The following INPP5D variants were observed in gnomAD, a reference collection of about 807,000 sequenced individuals.
INPP5D encodes phosphatidylinositol 3,4,5-trisphosphate 5-phosphatase 1.
In INPP5D, 33 loss-of-function variants were observed where a neutral mutation model predicts 122.9. That is an observed-to-expected ratio of 0.27 (90% confidence interval 0.20 to 0.36). The LOEUF (loss-of-function observed/expected upper bound fraction) is 0.36. Ranked by LOEUF, INPP5D falls within the 10% of genes least tolerant of loss-of-function variation. The pLI is 1.00. For missense variants in INPP5D, 1,053 were observed against 1,412.7 expected (o/e 0.75, Z 4.08); for synonymous variants, 584 against 576.2 (o/e 1.01, Z -0.19).
intron 2 of INPP5D, among the ~76,000 whole-genome samples, chr2:233,090,091 C>T: frequency 6.6e-6 from 1 of 152,232 alleles, no homozygotes; most frequent in East Asian, 1.9e-4. Context: ...GTCTCAGTCG[C>T]CCGAGTGTCT....
chr2:233,133,924 C>T (rs1693398586), intron 5 of INPP5D: 1 of 455,476 alleles, frequency 2.2e-6, no homozygotes, highest in Non-Finnish European at 4.4e-6. Flanking sequence ...TATACACAGG[C>T]TCTGGCACAT....
chr2:233,097,599 A>G (rs1692181438), intron 2 of INPP5D, among the ~76,000 whole-genome samples: 1 of 152,144 alleles, frequency 6.6e-6, no homozygotes, highest in Middle Eastern at 3.2e-3. Context: ...TTCCTTTTCC[A>G]TCATGACATT....
In INPP5D at chr2:233,164,785, G is replaced by A. The variant is rs904720568; in HGVS notation, c.1555+361G>A. Among the ~76,000 whole-genome samples, 1 of 152,202 alleles carries A rather than the reference G, an allele frequency of 6.6e-6. No individual in the cohort carries two copies. The highest frequency in any genetic ancestry group is 2.4e-5 in the African/African-American group (1 of 41,448). ...GAAGAGGCATTGGCCAACTTTTGCA[G>A]GAAAGGGAAGGGCCTGACAGTAAAT... On this transcript the variant is annotated intron_variant, in intron 13 of 26. Transcript: ENST00000445964. This position sits in a 1 kb window ranked among gnomAD's most constrained non-coding sequence, Gnocchi z 4.3.
At chr2:233,147,894 A>C (rs574254252) in intron 9 of INPP5D, among the ~76,000 whole-genome samples, 26 of 152,220 alleles carry the variant, frequency 1.7e-4, no homozygotes, top group Non-Finnish European at 3.4e-4. Flanking sequence ...TCTGGAACCA[A>C]ACTGCCTAAA....
intron 3 of INPP5D, among the ~76,000 whole-genome samples, chr2:233,124,572 C>T (rs1453211806): frequency 6.6e-6 from 1 of 152,190 alleles, no homozygotes; most frequent in East Asian, 1.9e-4. Context: ...CCATTGTGAG[C>T]CCAAGGTCAC....
intron 2 of INPP5D, among the ~76,000 whole-genome samples, chr2:233,112,150 C>T (rs891333363): frequency 6.6e-6 from 1 of 151,752 alleles, no homozygotes; most frequent in African/African-American, 2.4e-5. Context: ...CGATTCTTGC[C>T]TGAATCAGTC....
chr2:233,138,298 T>C (rs58069668), intron 5 of INPP5D, among the ~76,000 whole-genome samples: 125,792 of 139,402 alleles, frequency 0.9, 57,136 homozygotes, highest in Non-Finnish European at 0.96. Flanking sequence ...CAGAGTAAGA[T>C]TGTCTAAAAA....
intron 5 of INPP5D, among the ~76,000 whole-genome samples, chr2:233,137,569 C>T (rs1288438458): frequency 6.6e-6 from 1 of 150,632 alleles, no homozygotes; most frequent in African/African-American, 2.4e-5. Context: ...TATTCTCCTG[C>T]CTCAGCCTCC....
In INPP5D at chr2:233,088,296, C is replaced by T. The variant is rs1488076371; in HGVS notation, c.198+8898C>T. ...GCCAAGGTTCTCATTTTGTTGCAAG[C>T]CTGCCTTGCCTGGCTGATCTTCATG... is the stretch of plus-strand genomic sequence containing the variant. On this transcript the variant is annotated intron_variant, in intron 2 of 26. Coordinates refer to ENST00000445964, the MANE Select transcript of INPP5D (RefSeq NM_001017915.3). Among the ~76,000 whole-genome samples the T allele has an allele frequency of 5.4e-4, 82 of 152,142 alleles. 2 individuals are homozygous for T. The highest frequency in any genetic ancestry group is 5.4e-3 in the Admixed American group (82 of 15,280).
At chr2:233,066,203 C>T (rs55749303) in intron 1 of INPP5D, among the ~76,000 whole-genome samples, 18,850 of 151,986 alleles carry the variant, frequency 0.12, 1,498 homozygotes, top group African/African-American at 0.21. Flanking sequence ...GTTCTCCCAC[C>T]TTGGCCTCCC....
Position 233,140,127 on chromosome 2 carries a change from A to G in INPP5D, c.753+198A>G, listed in dbSNP as rs1428134922. On this transcript the variant is annotated intron_variant, in intron 6 of 26. Transcript: ENST00000445964. The stretch of plus-strand genomic sequence containing the variant: ...CCAGGAAGCCATCTCCCACTGCCAG[A>G]TTTTGATTTGAGGAATAAAGATTTC... The G allele has an allele frequency of 4.0e-5, 15 of 374,106 alleles. No homozygotes were observed. In the East Asian group the frequency reaches 5.0e-4, roughly 12 times the overall value. The allele number at this position is 374,106 out of a possible 1,614,324, so 23.2% of individuals were successfully genotyped here.
intron 2 of INPP5D, among the ~76,000 whole-genome samples, chr2:233,110,933 A>G (rs1692607629): frequency 8.2e-6 from 1 of 122,020 alleles, no homozygotes; most frequent in Non-Finnish European, 1.6e-5. Context: ...TCTTAAAAAA[A>G]AAACAACAAA....
chr2:233,104,559 G>T (rs1692412854), intron 2 of INPP5D, among the ~76,000 whole-genome samples: 1 of 152,122 alleles, frequency 6.6e-6, no homozygotes, highest in South Asian at 2.1e-4. Flanking sequence ...AGCCATGGGG[G>T]GTAGGCTCAG....
chr2:233,078,783 A>C lies in INPP5D; in HGVS notation c.135-552A>C. Among the ~76,000 whole-genome samples, 1 of 152,098 alleles carries C rather than the reference A, an allele frequency of 6.6e-6. No individual in the cohort carries two copies. Among genetic ancestry groups the C allele is most frequent in the East Asian group, 1.9e-4 (1 of 5,182 alleles). On this transcript the variant is annotated intron_variant, in intron 1 of 26. Transcript: ENST00000445964. This position sits in a 1 kb window ranked among gnomAD's most constrained non-coding sequence, Gnocchi z 4.6. ...CTGCAACCTCCGCCTCCTGGGTTCA[A>C]GTGATTCTTTTGCCTCAGCCTCCCA...
chr2:233,081,385 T>C (rs1383637532), intron 2 of INPP5D, among the ~76,000 whole-genome samples: 1 of 152,232 alleles, frequency 6.6e-6, no homozygotes, highest in East Asian at 1.9e-4. Context: ...TAAAAGTTGG[T>C]CGATGCTTTT....
intron 25 of INPP5D, among the ~76,000 whole-genome samples, chr2:233,201,892 C>G (rs1214592739): frequency 6.6e-6 from 1 of 152,166 alleles, no homozygotes; most frequent in Non-Finnish European, 1.5e-5. Context: ...TATTCAACAA[C>G]TGTGGCCTGC....
intron 17 of INPP5D, among the ~76,000 whole-genome samples, chr2:233,171,811 A>G (rs1694499500): frequency 6.6e-6 from 1 of 152,238 alleles, no homozygotes; most frequent in African/African-American, 2.4e-5. Context: ...CAGAGCCAGA[A>G]TGTGACAATG....
chr2:233,128,857 A>C lies in INPP5D; in HGVS notation c.525-1651A>C, dbSNP rs1220858308. Among the ~76,000 whole-genome samples, 1 of 152,182 alleles carries C rather than the reference A, an allele frequency of 6.6e-6. No individual in the cohort carries two copies. Among genetic ancestry groups the C allele is most frequent in the Non-Finnish European group, 1.5e-5 (1 of 68,038 alleles). On this transcript the variant is annotated intron_variant, in intron 4 of 26. Transcript: ENST00000445964. The surrounding 1 kb of genome is among the most constrained non-coding windows in gnomAD (Gnocchi z 4.5). The stretch of plus-strand genomic sequence containing the variant: ...GAAAAGCCTTGTGGCCTTTAGTTTC[A>C]ATTTGATTACATATCAAGCCTGGAA...
intron 6 of INPP5D, among the ~76,000 whole-genome samples, chr2:233,143,152 A>G (rs930105202): frequency 3.2e-4 from 48 of 152,252 alleles, no homozygotes; most frequent in Non-Finnish European, 5.9e-4. Flanking sequence ...AGATGACTTA[A>G]TATATTTCAG....
Sources: gnomAD v4.1 joint callset for allele counts (sites outside exome capture counted in the v4.1 genomes callset) on GRCh38, gnomAD v4.1.1 for gene constraint, Gnocchi (gnomAD v3.1) non-coding constraint, MANE v1.5 for transcripts, NCBI Gene and HGNC (gene_info 2026-07-23, HGNC 2026-07-21) for gene names.